MARCHF3: variants seen among roughly 807,000 people sequenced by gnomAD.
The protein encoded by MARCHF3 is membrane associated ring-CH-type finger 3.
A neutral mutation model predicts 24.2 loss-of-function variants in MARCHF3; 13 were observed. The ratio of observed to expected loss-of-function variants is 0.54; its 90% confidence interval spans 0.35 to 0.85. The LOEUF (loss-of-function observed/expected upper bound fraction) is 0.85. Ranked by LOEUF, MARCHF3 falls within the 40% of genes least tolerant of loss-of-function variation. The pLI is 0.01. For missense variants in MARCHF3, 276 were observed against 325.0 expected (o/e 0.85, Z 1.16); for synonymous variants, 144 against 137.3 (o/e 1.05, Z -0.34).
chr5:127,009,355 A>G (rs1752408706), intron 1 of MARCHF3, among the ~76,000 whole-genome samples: 2 of 152,246 alleles, frequency 1.3e-5, no homozygotes, highest in South Asian at 2.1e-4. Flanking sequence ...AAGAAAAAAT[A>G]TCCAATCTAG....
At chr5:126,993,612 A>C (rs1212856327) in intron 1 of MARCHF3, among the ~76,000 whole-genome samples, 2 of 152,158 alleles carry the variant, frequency 1.3e-5, no homozygotes, top group Non-Finnish European at 2.9e-5. Flanking sequence ...AAGCTGCTCT[A>C]ATCTCCCCTG....
intron 1 of MARCHF3, among the ~76,000 whole-genome samples, chr5:126,984,924 G>A (rs981273523): frequency 2.6e-5 from 4 of 152,208 alleles, no homozygotes; most frequent in African/African-American, 9.7e-5. Context: ...GTCAGTGAGT[G>A]CATGACTCTA....
At chr5:127,030,175 G>A (rs999173811) in intron 1 of MARCHF3, 175 bp downstream of exon 1, 5 of 152,218 alleles carry the variant, frequency 3.3e-5, no homozygotes, top group African/African-American at 1.2e-4. Context: ...GCTTTGACAA[G>A]AAGAAGTTCG....
intron 1 of MARCHF3, among the ~76,000 whole-genome samples, chr5:126,998,802 A>G (rs572306259): frequency 2.8e-4 from 42 of 152,294 alleles, no homozygotes; most frequent in African/African-American, 9.4e-4. Context: ...ACATGCCACA[A>G]TAAGTTGAGA....
At chr5:126,994,316 G>T (rs1041583146) in intron 1 of MARCHF3, among the ~76,000 whole-genome samples, 2 of 152,186 alleles carry the variant, frequency 1.3e-5, no homozygotes, top group Non-Finnish European at 2.9e-5. Context: ...TATAGAGTGA[G>T]AAAACAGGTA....
intron 4 of MARCHF3, among the ~76,000 whole-genome samples, chr5:126,872,854 GT>G (rs551802355): frequency 5.3e-5 from 8 of 150,912 alleles, no homozygotes; most frequent in South Asian, 4.2e-4. Context: ...GATCAGTTTG[GT>G]TTTTTTTTCA....
chr5:126,886,064 C>T (rs1336973390), intron 3 of MARCHF3, among the ~76,000 whole-genome samples: 1 of 151,684 alleles, frequency 6.6e-6, no homozygotes, highest in Non-Finnish European at 1.5e-5. Context: ...GTACATACCA[C>T]ATATCCTCTT....
intron 3 of MARCHF3, among the ~76,000 whole-genome samples, chr5:126,897,788 A>G (rs532326477): frequency 3.9e-5 from 6 of 152,226 alleles, no homozygotes; most frequent in African/African-American, 1.4e-4. Context: ...AATAATTACT[A>G]GTAGTAGTAG....
chr5:126,969,048 G>A (rs1399806655), intron 1 of MARCHF3, among the ~76,000 whole-genome samples: 4 of 152,062 alleles, frequency 2.6e-5, no homozygotes, highest in African/African-American at 9.7e-5. Flanking sequence ...GCTTTAGGTG[G>A]CATATCTAAG....
rs1054072469 is a variant in MARCHF3 at position 126,907,123 on chromosome 5, C to T, written c.393+7807G>A. 2.4e-3 allele frequency among the ~76,000 whole-genome samples: 366 copies of T among 151,532 alleles called. 3 individuals carry two copies. The highest frequency in any genetic ancestry group is 8.5e-3 in the African/African-American group (348 of 41,108). On this transcript the variant is annotated intron_variant, in intron 3 of 4. Transcript: ENST00000308660. ...GTTGTTCAGTTTCCATGTAGTTGAG[C>T]GGTTTTGAGTGAGATTCTTAACCCT... is the stretch of plus-strand genomic sequence containing the variant.
chr5:126,910,132 T>C (rs1204337671), intron 3 of MARCHF3, among the ~76,000 whole-genome samples: 1 of 152,190 alleles, frequency 6.6e-6, no homozygotes. Flanking sequence ...AAAAATCAGA[T>C]CCTAGAAGGC....
chr5:126,896,203 A>T (rs1194384024), intron 3 of MARCHF3, among the ~76,000 whole-genome samples: 1 of 152,128 alleles, frequency 6.6e-6, no homozygotes, highest in Non-Finnish European at 1.5e-5. Context: ...ACCTGCGCCC[A>T]CTGTCTGGCA....
At chr5:127,015,545 G>T (rs746281354) in intron 1 of MARCHF3, among the ~76,000 whole-genome samples, 9 of 152,146 alleles carry the variant, frequency 5.9e-5, no homozygotes, top group Non-Finnish European at 1.2e-4. Flanking sequence ...CACTTTAGTG[G>T]AGAAGGTCCC....
At chr5:126,981,847 G>A (rs1751404822) in intron 1 of MARCHF3, among the ~76,000 whole-genome samples, 2 of 152,140 alleles carry the variant, frequency 1.3e-5, no homozygotes, top group East Asian at 1.9e-4. Context: ...ATGCTGCCAG[G>A]CATGCTCTTT....
At chr5:127,024,422 C>A (rs74919678) in intron 1 of MARCHF3, among the ~76,000 whole-genome samples, 3,094 of 152,236 alleles carry the variant, frequency 0.02, 73 homozygotes, top group South Asian at 0.11. Flanking sequence ...TGGTCCCTTG[C>A]CTCAAGGGGC....
At chr5:127,025,935 G>A (rs1377645359) in intron 1 of MARCHF3, among the ~76,000 whole-genome samples, 1 of 152,064 alleles carries the variant, frequency 6.6e-6, no homozygotes, top group African/African-American at 2.4e-5. Flanking sequence ...TGGTAAAATG[G>A]CTAAAATGGA....
intron 3 of MARCHF3, among the ~76,000 whole-genome samples, chr5:126,881,598 A>G (rs1753343034): frequency 6.6e-6 from 1 of 152,206 alleles, no homozygotes. Context: ...GCTAATGTAC[A>G]TTTTATATTT....
chr5:126,877,633 T>G (rs934413917), intron 4 of MARCHF3, among the ~76,000 whole-genome samples: 1 of 152,152 alleles, frequency 6.6e-6, no homozygotes, highest in African/African-American at 2.4e-5. Context: ...GCTAGATAAA[T>G]TAGTGCTTTT....
intron 1 of MARCHF3, among the ~76,000 whole-genome samples, chr5:126,970,428 G>A (rs1398601181): frequency 6.6e-6 from 1 of 151,742 alleles, no homozygotes; most frequent in African/African-American, 2.4e-5. Context: ...ACTTAGGAAA[G>A]TGTCTTGATT....
Sources: allele counts gnomAD v4.1 joint callset (sites outside exome capture counted in the v4.1 genomes callset), GRCh38; gene constraint gnomAD v4.1.1; transcripts MANE v1.5; gene names NCBI Gene and HGNC (gene_info 2026-07-23, HGNC 2026-07-21).